The following ELMO1 variants were observed in gnomAD, a reference collection of about 807,000 sequenced individuals.
ELMO1 encodes the protein engulfment and cell motility protein 1.
A neutral mutation model predicts 98.9 loss-of-function variants in ELMO1; 26 were observed. The observed-to-expected ratio is 0.26, with a 90% confidence interval of 0.19 to 0.36. The LOEUF (loss-of-function observed/expected upper bound fraction) is 0.36. ELMO1 is among the 10% of genes least tolerant of loss of function. The probability of loss-of-function intolerance (pLI) is 1.00; values close to 1 mark genes in which losing one functional copy is unlikely to be tolerated. For missense variants in ELMO1, 627 were observed against 935.2 expected (o/e 0.67, Z 4.30); for synonymous variants, 346 against 346.0 (o/e 1.00, Z 0.00).
chr7:37,019,864 G>T (rs1424199280), intron 15 of ELMO1, among the ~76,000 whole-genome samples: 4 of 152,164 alleles, frequency 2.6e-5, no homozygotes, highest in African/African-American at 9.7e-5. Context: ...GGTACAATTT[G>T]CTGATATCTC....
intron 15 of ELMO1, among the ~76,000 whole-genome samples, chr7:37,041,402 A>AC (rs1243652941): frequency 6.6e-6 from 1 of 152,216 alleles, no homozygotes; most frequent in Non-Finnish European, 1.5e-5. Flanking sequence ...GTCTTGGCCC[A>AC]CCTCACTGAT....
At chr7:37,011,062 A>G (rs1793514437) in intron 16 of ELMO1, among the ~76,000 whole-genome samples, 1 of 152,226 alleles carries the variant, frequency 6.6e-6, no homozygotes, top group Non-Finnish European at 1.5e-5. Context: ...TTGGCAATAG[A>G]GGTGTGACCC....
intron 4 of ELMO1, among the ~76,000 whole-genome samples, chr7:37,314,509 G>A (rs952328947): frequency 5.3e-4 from 9 of 17,110 alleles, no homozygotes; most frequent in Non-Finnish European, 7.6e-4. Flanking sequence ...AAGGGTTAGA[G>A]GCTACTTTGA....
chr7:37,233,001 A>C, intron 8 of ELMO1, 94 bp downstream of exon 8: 1 of 1,123,452 alleles, frequency 8.9e-7, no homozygotes, highest in Non-Finnish European at 1.3e-6. Flanking sequence ...TAAAGAACTA[A>C]AGGAAAGACA....
intron 1 of ELMO1, among the ~76,000 whole-genome samples, chr7:37,370,111 G>A (rs540806581): frequency 2.6e-5 from 4 of 152,168 alleles, no homozygotes; most frequent in Admixed American, 6.5e-5. Flanking sequence ...GTCAGCCTCC[G>A]CCTCTGCTCT....
chr7:37,271,643 T>A (rs1040093821), intron 5 of ELMO1, 189 bp downstream of exon 5: 1 of 593,358 alleles, frequency 1.7e-6, no homozygotes, highest in African/African-American at 1.9e-5. Flanking sequence ...TGGAATAAGG[T>A]CTTCCTCCTC....
At chr7:36,920,064 A>C (rs973607850) in intron 16 of ELMO1, among the ~76,000 whole-genome samples, 1 of 152,210 alleles carries the variant, frequency 6.6e-6, no homozygotes, top group Non-Finnish European at 1.5e-5. Flanking sequence ...TTTCTTCTGC[A>C]AGGGCCAACC....
intron 17 of ELMO1, among the ~76,000 whole-genome samples, chr7:36,894,111 A>G (rs1805783094): frequency 6.6e-6 from 1 of 152,236 alleles, no homozygotes; most frequent in Admixed American, 6.5e-5. Flanking sequence ...TATACGGGTA[A>G]CAAAATTGAC....
chr7:36,982,957 G>A (rs528535016), intron 16 of ELMO1, among the ~76,000 whole-genome samples: 3 of 152,242 alleles, frequency 2.0e-5, no homozygotes, highest in East Asian at 3.9e-4. Flanking sequence ...AGCTGGGCCC[G>A]CCTCCCCTGC....
chr7:37,062,500 C>T (rs531886392), intron 15 of ELMO1, among the ~76,000 whole-genome samples: 5 of 152,154 alleles, frequency 3.3e-5, no homozygotes, highest in Non-Finnish European at 7.3e-5. Flanking sequence ...AATAGCTCAC[C>T]GAGTGTATAT....
intron 1 of ELMO1, among the ~76,000 whole-genome samples, chr7:37,414,390 C>T (rs1465541205): frequency 6.6e-6 from 1 of 152,218 alleles, no homozygotes; most frequent in Non-Finnish European, 1.5e-5. Context: ...AGAATATTAA[C>T]ACCTACAAGG....
chr7:37,014,038 C>T (rs1793744529), intron 15 of ELMO1, among the ~76,000 whole-genome samples: 1 of 152,098 alleles, frequency 6.6e-6, no homozygotes, highest in Non-Finnish European at 1.5e-5. Flanking sequence ...ACCTGAATAG[C>T]TTTGAAGGCG....
At chr7:37,080,719 G>T (rs1797827107) in intron 15 of ELMO1, among the ~76,000 whole-genome samples, 1 of 149,026 alleles carries the variant, frequency 6.7e-6, no homozygotes, top group South Asian at 2.1e-4. Flanking sequence ...TCAAAGTGCT[G>T]GAATTGCAGG....
rs562095957 is a variant in ELMO1 at position 37,430,002 on chromosome 7, A to G, written c.-74+18673T>C. Among the ~76,000 whole-genome samples the G allele has an allele frequency of 2.3e-4, 35 of 152,350 alleles. No homozygotes were observed. The South Asian group carries it at 7.0e-3, about 31-fold the overall frequency. On this transcript the variant is annotated intron_variant, in intron 1 of 21. Transcript: ENST00000310758. The stretch of plus-strand genomic sequence containing the variant: ...GATTCTGAATGCAGCTGACTGACCT[A>G]CAGATTTGTGTTTGGGATCCATCAA...
chr7:37,311,409 A>G (rs2131079051), intron 4 of ELMO1, among the ~76,000 whole-genome samples: 1 of 152,244 alleles, frequency 6.6e-6, no homozygotes, highest in South Asian at 2.1e-4. Context: ...TATATAAGGG[A>G]AAATCAGTAA....
intron 15 of ELMO1, among the ~76,000 whole-genome samples, chr7:37,051,466 GTTCT>G (rs954328485): frequency 3.3e-5 from 5 of 152,142 alleles, no homozygotes; most frequent in Non-Finnish European, 5.9e-5. Context: ...CACTTTCCAA[GTTCT>G]TTCTGTGAAA....
At chr7:37,364,281 C>T (rs1400587439) in intron 1 of ELMO1, among the ~76,000 whole-genome samples, 1 of 152,184 alleles carries the variant, frequency 6.6e-6, no homozygotes, top group African/African-American at 2.4e-5. Flanking sequence ...ACACAGGGGA[C>T]CCTCCCATGG....
chr7:37,156,159 G>A (rs1788746667), intron 13 of ELMO1, among the ~76,000 whole-genome samples: 1 of 152,080 alleles, frequency 6.6e-6, no homozygotes, highest in African/African-American at 2.4e-5. Context: ...AGAATCTCTG[G>A]GACACATTTA....
At chr7:37,290,564 G>A (rs1214826924) in intron 4 of ELMO1, among the ~76,000 whole-genome samples, 1 of 152,144 alleles carries the variant, frequency 6.6e-6, no homozygotes, top group Non-Finnish European at 1.5e-5. Context: ...TACAATTTAT[G>A]ATGGATACAA....
Sources: allele counts gnomAD v4.1 joint callset (sites outside exome capture counted in the v4.1 genomes callset), GRCh38; gene constraint gnomAD v4.1.1; transcripts MANE v1.5; gene names NCBI Gene and HGNC (gene_info 2026-07-23, HGNC 2026-07-21).